GAS7: variants seen among roughly 807,000 people sequenced by gnomAD.
The protein encoded by GAS7 is growth arrest-specific protein 7.
GAS7 carries 28 observed loss-of-function variants against 71.1 expected under a neutral mutation model. The observed-to-expected ratio is 0.39, with a 90% CI of 0.29 to 0.54. GAS7 has a LOEUF of 0.54. GAS7 is among the 20% of genes least tolerant of loss of function. The pLI, the probability that GAS7 is intolerant of heterozygous loss-of-function variation, is 0.62. For missense variants in GAS7, 436 were observed against 627.8 expected (o/e 0.69, Z 3.27); for synonymous variants, 258 against 245.8 (o/e 1.05, Z -0.46).
chr17:10,069,066 T>A (rs2073313222), intron 1 of GAS7, among the ~76,000 whole-genome samples: 1 of 152,114 alleles, frequency 6.6e-6, no homozygotes, highest in African/African-American at 2.4e-5. Flanking sequence ...ATCCAGGTAT[T>A]CAGCACAAAC....
intron 1 of GAS7, among the ~76,000 whole-genome samples, chr17:10,056,196 C>CA (rs758225462): frequency 3.3e-5 from 5 of 151,952 alleles, no homozygotes; most frequent in Non-Finnish European, 7.4e-5. Flanking sequence ...CCCATCTCTA[C>CA]AAAAAATGTA....
At chr17:10,108,414 A>G (rs998119830) in intron 1 of GAS7, among the ~76,000 whole-genome samples, 1 of 152,190 alleles carries the variant, frequency 6.6e-6, no homozygotes, top group African/African-American at 2.4e-5. Flanking sequence ...TCTACCACAC[A>G]GGGTCGTTCT....
rs1129464 is a variant in GAS7 at position 9,913,135 on chromosome 17, G to A, written c.*4093C>T. ...CACTAAATTTGTCAAAATTCACAGA[G>A]CTGTATATTTCCAAAGGGTGAATTT... On this transcript the variant is annotated 3_prime_UTR_variant, in exon 14 of 14. Transcript: ENST00000432992. 141,128 of 231,940 alleles carry A rather than the reference G, an allele frequency of 0.61. 44,111 individuals carry two copies. Among genetic ancestry groups the A allele is most frequent in the African/African-American group, 0.78 (35,308 of 45,306 alleles). 14.4% of individuals were successfully genotyped at this position (231,940 alleles called of 1,614,324 possible).
intron 1 of GAS7, among the ~76,000 whole-genome samples, chr17:10,184,372 G>T (rs567100625): frequency 6.6e-6 from 1 of 152,112 alleles, no homozygotes; most frequent in East Asian, 1.9e-4. Context: ...CTCTGTCCTC[G>T]GATTAAATAT....
intron 1 of GAS7, among the ~76,000 whole-genome samples, chr17:10,077,140 G>A (rs1311194679): frequency 6.6e-6 from 1 of 152,178 alleles, no homozygotes; most frequent in East Asian, 1.9e-4. Context: ...TCTGCCTGAT[G>A]TCAATTTGGT....
At chr17:10,061,951 C>T (rs976086050) in intron 1 of GAS7, among the ~76,000 whole-genome samples, 2 of 152,166 alleles carry the variant, frequency 1.3e-5, no homozygotes, top group African/African-American at 2.4e-5. Flanking sequence ...AAGGACGCTG[C>T]TAAACACTCA....
intron 1 of GAS7, among the ~76,000 whole-genome samples, chr17:10,041,537 C>T (rs970569974): frequency 1.3e-5 from 2 of 152,210 alleles, no homozygotes; most frequent in African/African-American, 4.8e-5. Context: ...CTGACCTCAG[C>T]AGAACACACT....
At chr17:10,106,780 G>GC (rs3076189) in intron 1 of GAS7, among the ~76,000 whole-genome samples, 2,844 of 151,604 alleles carry the variant, frequency 0.019, 46 homozygotes, top group Non-Finnish European at 0.031. Flanking sequence ...GCTTGAAAGT[G>GC]CCCCCCCCCC....
At chr17:10,013,917 C>A (rs2071887875) in intron 2 of GAS7, among the ~76,000 whole-genome samples, 2 of 152,166 alleles carry the variant, frequency 1.3e-5, no homozygotes, top group African/African-American at 4.8e-5. Flanking sequence ...CATCACTTCA[C>A]CTCTCTGCTG....
rs117308100 is a variant in GAS7 at position 10,014,887 on chromosome 17, A to G, written c.304+4890T>C. On this transcript the variant is annotated intron_variant, in intron 2 of 13. Transcript: ENST00000432992. ...GCAGATTAGCCAGCCAGGTGCGGTG[A>G]CTCACGCCTGTAATCCCAGCACTTT... Among the ~76,000 whole-genome samples the G allele has an allele frequency of 1.0e-2, 1,518 of 152,082 alleles. 40 individuals carry two copies. Among genetic ancestry groups the G allele is most frequent in the East Asian group, 0.096 (496 of 5,154 alleles).
At chr17:9,931,353 G>C (rs1287606674) in intron 9 of GAS7, among the ~76,000 whole-genome samples, 1 of 152,148 alleles carries the variant, frequency 6.6e-6, no homozygotes, top group Non-Finnish European at 1.5e-5. Context: ...GCCACCTGTT[G>C]AGCACTCTAA....
chr17:10,055,029 C>A (rs1409584602), intron 1 of GAS7, among the ~76,000 whole-genome samples: 1 of 152,184 alleles, frequency 6.6e-6, no homozygotes, highest in Non-Finnish European at 1.5e-5. Context: ...ATGAGGCAAA[C>A]ACCACCAGGA....
chr17:10,172,326 G>T (rs570627779), intron 1 of GAS7, among the ~76,000 whole-genome samples: 2 of 152,252 alleles, frequency 1.3e-5, no homozygotes, highest in East Asian at 3.9e-4. Flanking sequence ...TTCCTCTGCC[G>T]CATGTCCGGC....
chr17:10,165,950 G>C (rs565064738), intron 1 of GAS7, among the ~76,000 whole-genome samples: 1 of 151,972 alleles, frequency 6.6e-6, no homozygotes, highest in African/African-American at 2.4e-5. Flanking sequence ...GGTCGGCCTC[G>C]CAGAGGTCTC....
intron 1 of GAS7, among the ~76,000 whole-genome samples, chr17:10,181,318 C>T (rs973117476): frequency 6.6e-6 from 1 of 151,218 alleles, no homozygotes; most frequent in African/African-American, 2.4e-5. Context: ...TGAGATTGAG[C>T]CACTGCACTC....
chr17:10,098,585 G>C (rs1008329426), intron 1 of GAS7, among the ~76,000 whole-genome samples: 1 of 152,212 alleles, frequency 6.6e-6, no homozygotes, highest in Non-Finnish European at 1.5e-5. Context: ...GCTACAATAG[G>C]TATGACAGGA....
intron 4 of GAS7, among the ~76,000 whole-genome samples, chr17:9,964,903 C>A (rs4791379): frequency 0.069 from 10,538 of 152,214 alleles, 1,196 homozygotes; most frequent in African/African-American, 0.24. Flanking sequence ...CATCTCACCT[C>A]TTTCTCCACT....
chr17:10,003,259 G>T (rs1478999047), intron 2 of GAS7, among the ~76,000 whole-genome samples: 1 of 152,202 alleles, frequency 6.6e-6, no homozygotes, highest in African/African-American at 2.4e-5. Context: ...GCAGGTGTCT[G>T]GCATGGCCCA....
intron 2 of GAS7, among the ~76,000 whole-genome samples, chr17:10,004,432 T>C (rs553291082): frequency 2.0e-5 from 3 of 152,240 alleles, no homozygotes; most frequent in African/African-American, 4.8e-5. Context: ...GTTATGTCCA[T>C]CCAGACAGAT....
Sources: gnomAD v4.1 joint callset for allele counts (sites outside exome capture counted in the v4.1 genomes callset) on GRCh38, gnomAD v4.1.1 for gene constraint, MANE v1.5 for transcripts, NCBI Gene and HGNC (gene_info 2026-07-23, HGNC 2026-07-21) for gene names.